The following RANBP2 variants were observed in gnomAD, a reference collection of about 807,000 sequenced individuals.
The protein encoded by RANBP2 is RAN binding protein 2, also known as E3 SUMO-protein ligase RanBP2.
Under a neutral mutation model 303.6 loss-of-function variants are expected in RANBP2, and 57 were observed. That is an observed-to-expected ratio of 0.19 (90% confidence interval 0.15 to 0.23). The LOEUF (loss-of-function observed/expected upper bound fraction) is 0.23. Ranked by LOEUF, RANBP2 falls within the 10% of genes least tolerant of loss-of-function variation. RANBP2 has a pLI of 1.00. For synonymous variants in RANBP2, 1,167 were observed against 1,301.5 expected, an observed-to-expected ratio of 0.90 and a Z score of 2.23; for missense variants, 3,138 against 3,780.8, an observed-to-expected ratio of 0.83 and a Z score of 4.46.
the RANBP2 span, among the ~76,000 whole-genome samples, chr2:109,253,444 G>A: frequency 1.3e-3 from 194 of 152,298 alleles, no homozygotes; most frequent in African/African-American, 3.2e-3. Context: ...GCTGCTTTCC[G>A]GGTGGGCTGG....
At chr2:109,549,983 C>T in the RANBP2 span, among the ~76,000 whole-genome samples, 2 of 152,108 alleles carry the variant, frequency 1.3e-5, no homozygotes, top group Non-Finnish European at 2.9e-5. Context: ...CTTTTGTAAA[C>T]ACTACTTTTA....
At chr2:109,651,368 G>A in the RANBP2 span, among the ~76,000 whole-genome samples, 2 of 152,158 alleles carry the variant, frequency 1.3e-5, no homozygotes, top group African/African-American at 2.4e-5. Flanking sequence ...CAAGTATTGA[G>A]CAGGTGGCCC....
chr2:108,853,961 T>A, the RANBP2 span, among the ~76,000 whole-genome samples: 1 of 117,692 alleles, frequency 8.5e-6, no homozygotes, highest in Non-Finnish European at 1.7e-5. Flanking sequence ...TAAATATATA[T>A]AATAAAATAT....
At chr2:109,078,573 G>A in the RANBP2 span, among the ~76,000 whole-genome samples, 1 of 149,274 alleles carries the variant, frequency 6.7e-6, no homozygotes, top group Non-Finnish European at 1.5e-5. Context: ...GTTATGTAGG[G>A]TGGATAAGTT....
At chr2:109,538,181 C>T in the RANBP2 span, among the ~76,000 whole-genome samples, 1 of 152,190 alleles carries the variant, frequency 6.6e-6, no homozygotes, top group Admixed American at 6.5e-5. Context: ...CTCCACCCTC[C>T]AAGCCAGCAG....
At chr2:108,911,096 A>G in the RANBP2 span, 1 of 1,613,884 alleles carries the variant, frequency 6.2e-7, no homozygotes, top group Admixed American at 1.7e-5. Flanking sequence ...GAAGGCATGA[A>G]TGACCCAGAG....
the RANBP2 span, among the ~76,000 whole-genome samples, chr2:108,910,157 T>C: frequency 1.3e-5 from 2 of 152,232 alleles, no homozygotes; most frequent in African/African-American, 4.8e-5. Context: ...CTTTATGTTC[T>C]GCCCTCCCAG....
the RANBP2 span, chr2:109,347,894 A>T: frequency 6.2e-7 from 1 of 1,611,940 alleles, no homozygotes; most frequent in Non-Finnish European, 8.5e-7. Context: ...AAAGCACTTT[A>T]TGATTTCGAG....
the RANBP2 span, among the ~76,000 whole-genome samples, chr2:109,603,436 T>A: frequency 6.6e-6 from 1 of 152,062 alleles, no homozygotes; most frequent in Non-Finnish European, 1.5e-5. Context: ...AGATGGGGTT[T>A]CACCCTGTTA....
chr2:109,594,345 T>C, the RANBP2 span, among the ~76,000 whole-genome samples: 3 of 152,192 alleles, frequency 2.0e-5, no homozygotes, highest in Non-Finnish European at 2.9e-5. Flanking sequence ...GATTCTCTAA[T>C]AGCTCAGCGC....
At chr2:109,324,689 C>T in the RANBP2 span, among the ~76,000 whole-genome samples, 2 of 152,198 alleles carry the variant, frequency 1.3e-5, no homozygotes, top group Non-Finnish European at 2.9e-5. Context: ...GATCCCAAAG[C>T]TGTGGATCCC....
At chr2:109,011,501 T>C in the RANBP2 span, among the ~76,000 whole-genome samples, 1,121 of 152,352 alleles carry the variant, frequency 7.4e-3, 7 homozygotes, top group Non-Finnish European at 0.012. Flanking sequence ...CTCAAATTTC[T>C]GAAATTTTAT....
chr2:108,752,653 C>T (rs1308265133), intron 12 of RANBP2, among the ~76,000 whole-genome samples: 3 of 144,206 alleles, frequency 2.1e-5, no homozygotes, highest in South Asian at 2.2e-4. Context: ...ATTAGCCGGG[C>T]GTGGTGGCAG....
At chr2:109,504,172 A>G in the RANBP2 span, 1 of 152,234 alleles carries the variant, frequency 6.6e-6, no homozygotes, top group Admixed American at 6.5e-5. Flanking sequence ...TCTTGCCTCA[A>G]AGGGTACACA....
the RANBP2 span, among the ~76,000 whole-genome samples, chr2:109,657,130 G>A: frequency 3.9e-5 from 6 of 152,154 alleles, no homozygotes; most frequent in Admixed American, 3.3e-4. Flanking sequence ...TCACCTGAGT[G>A]CCCAACGGTT....
chr2:109,143,200 T>C, the RANBP2 span, among the ~76,000 whole-genome samples: 1 of 152,100 alleles, frequency 6.6e-6, no homozygotes, highest in Non-Finnish European at 1.5e-5. Flanking sequence ...TATAGAAAAA[T>C]TGTGGCAGTT....
At chr2:109,648,587 C>A in the RANBP2 span, among the ~76,000 whole-genome samples, 2 of 151,974 alleles carry the variant, frequency 1.3e-5, no homozygotes, top group Non-Finnish European at 2.9e-5. Context: ...AGGTGATCCA[C>A]CCGCCTTGGC....
the RANBP2 span, among the ~76,000 whole-genome samples, chr2:108,902,240 G>T: frequency 6.6e-6 from 1 of 152,006 alleles, no homozygotes; most frequent in East Asian, 1.9e-4. Context: ...CTGGGCCATG[G>T]TGGCATGTGC....
At chr2:109,656,261 A>G in the RANBP2 span, among the ~76,000 whole-genome samples, 1 of 152,234 alleles carries the variant, frequency 6.6e-6, no homozygotes, top group Non-Finnish European at 1.5e-5. Context: ...TTGAATGAGT[A>G]AAGTGTATAC....
Sources: gnomAD v4.1 joint callset for allele counts (sites outside exome capture counted in the v4.1 genomes callset) on GRCh38, gnomAD v4.1.1 for gene constraint, MANE v1.5 for transcripts, NCBI Gene and HGNC (gene_info 2026-07-23, HGNC 2026-07-21) for gene names.